The following ZNRF3 variants were observed in gnomAD, a reference collection of about 807,000 sequenced individuals.
ZNRF3 encodes the protein zinc and ring finger 3.
Under a neutral mutation model 72.5 loss-of-function variants are expected in ZNRF3, and 23 were observed. The ratio of observed to expected loss-of-function variants is 0.32; its 90% CI spans 0.23 to 0.45. The LOEUF (loss-of-function observed/expected upper bound fraction) is 0.45, where lower values mean the gene tolerates loss of function less well. ZNRF3 is among the 20% of genes least tolerant of loss of function. ZNRF3 has a pLI of 1.00. For synonymous variants in ZNRF3, 610 were observed against 545.3 expected (o/e 1.12, Z -1.65); for missense variants, 1,169 against 1,272.1 (o/e 0.92, Z 1.23).
chr22:28,938,780 A>G (rs1387570853), intron 1 of ZNRF3, among the ~76,000 whole-genome samples: 3 of 152,198 alleles, frequency 2.0e-5, no homozygotes, highest in African/African-American at 4.8e-5. Context: ...TTATGTGATA[A>G]GTATTACATT....
intron 2 of ZNRF3, among the ~76,000 whole-genome samples, chr22:29,032,891 A>G (rs537453597): frequency 3.0e-4 from 46 of 152,354 alleles, no homozygotes; most frequent in African/African-American, 9.6e-4. Flanking sequence ...GGAGCACAGC[A>G]TAAGGCCACT....
At chr22:28,970,778 G>A (rs2035558901) in intron 1 of ZNRF3, among the ~76,000 whole-genome samples, 1 of 152,204 alleles carries the variant, frequency 6.6e-6, no homozygotes, top group Non-Finnish European at 1.5e-5. Context: ...GATACATCAT[G>A]TTTCCGTTTA....
At chr22:28,985,192 C>A (rs1374449729) in intron 1 of ZNRF3, among the ~76,000 whole-genome samples, 2 of 152,194 alleles carry the variant, frequency 1.3e-5, no homozygotes, top group Non-Finnish European at 2.9e-5. Context: ...CCTAAAATAA[C>A]TTCTTTCAGT....
intron 2 of ZNRF3, among the ~76,000 whole-genome samples, chr22:28,998,254 G>A (rs777899943): frequency 1.1e-4 from 17 of 151,700 alleles, no homozygotes; most frequent in Admixed American, 2.0e-4. Flanking sequence ...AGCCAAGATC[G>A]CACCACTGCA....
intron 1 of ZNRF3, among the ~76,000 whole-genome samples, chr22:28,920,337 C>T (rs1030133446): frequency 6.6e-6 from 1 of 151,702 alleles, no homozygotes; most frequent in South Asian, 2.1e-4. Context: ...GTGGGGCAAT[C>T]TTGGCTCACT....
intron 2 of ZNRF3, among the ~76,000 whole-genome samples, chr22:28,994,605 G>T (rs1050438431): frequency 6.6e-6 from 1 of 152,094 alleles, no homozygotes; most frequent in East Asian, 1.9e-4. Context: ...TGTTTAATGG[G>T]TATGAAGCTT....
intron 1 of ZNRF3, among the ~76,000 whole-genome samples, chr22:28,889,223 C>T (rs1033539643): frequency 1.3e-5 from 2 of 152,104 alleles, no homozygotes; most frequent in African/African-American, 4.8e-5. Flanking sequence ...TAATTTTGAA[C>T]AACATATAAT....
At position 29,051,627 on chromosome 22, in the gene ZNRF3, C is replaced by T. The variant is rs544335289; in HGVS notation, c.2767+679C>T. Among the ~76,000 whole-genome samples the T allele has an allele frequency of 6.3e-3, 919 of 144,978 alleles. 5 individuals carry two copies. Among genetic ancestry groups the T allele is most frequent in the Non-Finnish European group, 9.2e-3 (611 of 66,610 alleles). On this transcript the variant is annotated intron_variant, in intron 8 of 8. Transcript: ENST00000544604. ...TTAAAAAAAAAAAAAAAAAAAAAGG[C>T]AGGACCCAGTGGCTCATGCCTGTAA... is the stretch of plus-strand genomic sequence containing the variant.
intron 1 of ZNRF3, among the ~76,000 whole-genome samples, chr22:28,924,029 C>T (rs1005897944): frequency 3.9e-5 from 6 of 152,256 alleles, no homozygotes; most frequent in African/African-American, 1.2e-4. Context: ...AAAGGCGCCG[C>T]GCACCGGGGT....
chr22:29,049,699 C>T lies in ZNRF3; in HGVS notation c.1518C>T (p.Ser506=), dbSNP rs771766958. The change falls in exon 8 of 9, where the codon AGC becomes AGT. Residue 506 remains serine, a synonymous_variant. Transcript: ENST00000544604. The surrounding 1 kb of genome is among the most constrained non-coding windows in gnomAD (Gnocchi z 5.2). ...CCTTTCCTCCGAGCGGCAGTGGCAG[C>T]CTGCTCTTCCCCACCGTGGTGCACG... The part of the protein sequence containing the change: ...ARAFPPSGSG[S]LLFPTVVHVA... 7 of 1,605,692 alleles carry T rather than the reference C, an allele frequency of 4.4e-6. No homozygotes were observed. The highest frequency in any genetic ancestry group is 5.1e-6 in the Non-Finnish European group (6 of 1,178,126).
chr22:28,896,049 C>T (rs1163916343), intron 1 of ZNRF3, among the ~76,000 whole-genome samples: 4 of 152,116 alleles, frequency 2.6e-5, no homozygotes, highest in Non-Finnish European at 5.9e-5. Flanking sequence ...ATCCTGGGTT[C>T]AAGCGATTCT....
intron 1 of ZNRF3, among the ~76,000 whole-genome samples, chr22:28,926,879 T>C (rs2034612932): frequency 6.6e-6 from 1 of 151,638 alleles, no homozygotes; most frequent in African/African-American, 2.4e-5. Flanking sequence ...TCCAATACTT[T>C]GGGAGGCTGA....
Position 29,030,695 on chromosome 22 carries a change from T to G in ZNRF3, c.427-11800T>G, listed in dbSNP as rs1280776204. Among the ~76,000 whole-genome samples the G allele has an allele frequency of 1.1e-5, 1 of 92,642 alleles. No homozygotes were observed. The highest frequency in any genetic ancestry group is 2.1e-5 in the Non-Finnish European group (1 of 48,586). The allele number at this position is 92,642 out of a possible 152,430, so 60.8% of individuals were successfully genotyped here. On this transcript the variant is annotated intron_variant, in intron 2 of 8. Transcript: ENST00000544604. This position sits in a 1 kb window ranked among gnomAD's most constrained non-coding sequence, Gnocchi z 4.2. The stretch of plus-strand genomic sequence containing the variant: ...GCCCGCCCCGAAAGTCCCGGCCCGC[T>G]GGATTGGGGGTTCGGGGGTGGGGGG...
At chr22:28,998,108 G>A (rs980547126) in intron 2 of ZNRF3, among the ~76,000 whole-genome samples, 3 of 151,590 alleles carry the variant, frequency 2.0e-5, no homozygotes, top group African/African-American at 7.3e-5. Flanking sequence ...GAGACAGCCT[G>A]GCCAACATGG....
intron 1 of ZNRF3, among the ~76,000 whole-genome samples, chr22:28,963,546 T>C (rs1014343056): frequency 2.0e-5 from 3 of 152,174 alleles, no homozygotes; most frequent in Non-Finnish European, 4.4e-5. Flanking sequence ...CAGTATGACC[T>C]TGGGCAAGTG....
At chr22:28,903,940 T>C (rs539102906) in intron 1 of ZNRF3, among the ~76,000 whole-genome samples, 93 of 152,192 alleles carry the variant, frequency 6.1e-4, no homozygotes, top group Middle Eastern at 3.4e-3. Flanking sequence ...GGCCTGTGAG[T>C]GAGCTAGCAA....
intron 1 of ZNRF3, among the ~76,000 whole-genome samples, chr22:28,931,671 ACC>A (rs1371538593): frequency 2.0e-5 from 3 of 152,026 alleles, no homozygotes; most frequent in Non-Finnish European, 1.5e-5. Context: ...CTGTCCACCT[ACC>A]CATCCGTCTG....
chr22:29,042,432 A>C, intron 2 of ZNRF3, 63 bp from the exon 3 acceptor site: 1 of 1,492,622 alleles, frequency 6.7e-7, no homozygotes, highest in Non-Finnish European at 9.3e-7. Flanking sequence ...CTGATTGCCA[A>C]GGCCAACTTT....
intron 2 of ZNRF3, among the ~76,000 whole-genome samples, chr22:28,999,107 C>G (rs912337070): frequency 2.8e-5 from 4 of 143,286 alleles, no homozygotes; most frequent in African/African-American, 1.1e-4. Context: ...CACTTGAGGT[C>G]AGGAGTTTGA....
Sources: gnomAD v4.1 joint callset for allele counts (sites outside exome capture counted in the v4.1 genomes callset) on GRCh38, gnomAD v4.1.1 for gene constraint, Gnocchi (gnomAD v3.1) non-coding constraint, MANE v1.5 for transcripts, NCBI Gene and HGNC (gene_info 2026-07-23, HGNC 2026-07-21) for gene names.